Variants in LRMDA observed in about 807,000 individuals in gnomAD.
The protein encoded by LRMDA is leucine rich melanocyte differentiation associated, also known as leucine-rich melanocyte differentiation-associated protein.
Under a neutral mutation model 29.8 loss-of-function variants are expected in LRMDA, and 18 were observed. The observed-to-expected ratio is 0.60, with a 90% CI of 0.42 to 0.90. The LOEUF (loss-of-function observed/expected upper bound fraction) is 0.90, where lower values mean the gene tolerates loss of function less well. LRMDA is among the 40% of genes least tolerant of loss of function. The pLI is 0.00. For synonymous variants in LRMDA, 125 were observed against 109.4 expected (o/e 1.14, Z -0.89); for missense variants, 273 against 273.9 (o/e 1.00, Z 0.02).
chr10:75,514,706 G>C (rs896803502), intron 2 of LRMDA, among the ~76,000 whole-genome samples: 1 of 152,110 alleles, frequency 6.6e-6, no homozygotes, highest in Non-Finnish European at 1.5e-5. Flanking sequence ...CATGTGTCAG[G>C]CCCTCCTTCG....
chr10:76,202,135 T>C (rs1851443210), intron 5 of LRMDA, among the ~76,000 whole-genome samples: 1 of 152,198 alleles, frequency 6.6e-6, no homozygotes, highest in South Asian at 2.1e-4. Context: ...ACTTTTTTAT[T>C]GCTCAAAGCT....
chr10:76,476,944 A>AT (rs1842680159), intron 6 of LRMDA, among the ~76,000 whole-genome samples: 1 of 152,194 alleles, frequency 6.6e-6, no homozygotes, highest in Non-Finnish European at 1.5e-5. Flanking sequence ...AGCCATTATC[A>AT]TACTGAATGG....
chr10:76,214,097 G>C (rs967561260), intron 5 of LRMDA, among the ~76,000 whole-genome samples: 2 of 152,032 alleles, frequency 1.3e-5, no homozygotes, highest in African/African-American at 4.8e-5. Flanking sequence ...AATGCTCCCA[G>C]GCATAATTCT....
chr10:76,521,240 T>G (rs1172327155), intron 6 of LRMDA, among the ~76,000 whole-genome samples: 3 of 151,926 alleles, frequency 2.0e-5, no homozygotes, highest in African/African-American at 7.2e-5. Flanking sequence ...TTCATGCCAT[T>G]CTCCTGCCTC....
intron 2 of LRMDA, among the ~76,000 whole-genome samples, chr10:75,515,610 T>C (rs1365392558): frequency 6.6e-6 from 1 of 152,104 alleles, no homozygotes; most frequent in Non-Finnish European, 1.5e-5. Context: ...GAACTCCTGG[T>C]CTCAAGTTAT....
At chr10:76,163,588 A>G (rs775457460) in intron 5 of LRMDA, among the ~76,000 whole-genome samples, 2 of 152,128 alleles carry the variant, frequency 1.3e-5, no homozygotes, top group Non-Finnish European at 2.9e-5. Context: ...TTTCTATGTA[A>G]TTCATACTTG....
chr10:75,677,098 A>C (rs1055041393), intron 2 of LRMDA, among the ~76,000 whole-genome samples: 1 of 152,238 alleles, frequency 6.6e-6, no homozygotes, highest in Non-Finnish European at 1.5e-5. Flanking sequence ...TGCAGAAAAG[A>C]AGTTGGTTTG....
intron 5 of LRMDA, among the ~76,000 whole-genome samples, chr10:76,221,026 G>A (rs1403037549): frequency 1.3e-5 from 2 of 152,130 alleles, no homozygotes; most frequent in African/African-American, 2.4e-5. Context: ...AAAACCACAT[G>A]ATTATCTCAA....
chr10:76,416,111 A>G (rs1254807848), intron 6 of LRMDA, among the ~76,000 whole-genome samples: 2 of 152,232 alleles, frequency 1.3e-5, no homozygotes, highest in East Asian at 3.9e-4. Flanking sequence ...AGCATACTGT[A>G]CTTCCAACCA....
intron 5 of LRMDA, among the ~76,000 whole-genome samples, chr10:76,215,277 C>G (rs1564688588): frequency 6.6e-6 from 1 of 152,130 alleles, no homozygotes; most frequent in Non-Finnish European, 1.5e-5. Flanking sequence ...TTCTTGTGCT[C>G]CTAGGACAGA....
intron 2 of LRMDA, among the ~76,000 whole-genome samples, chr10:75,967,258 G>T (rs1846878360): frequency 2.0e-5 from 3 of 152,016 alleles, no homozygotes; most frequent in Admixed American, 1.3e-4. Flanking sequence ...TTAAATTACT[G>T]TATTCTTTAA....
At chr10:76,532,984 TCA>T (rs1174811789) in intron 6 of LRMDA, among the ~76,000 whole-genome samples, 1 of 152,148 alleles carries the variant, frequency 6.6e-6, no homozygotes, top group Non-Finnish European at 1.5e-5. Context: ...CTGGTGATTC[TCA>T]GAGTTTTATA....
chr10:76,333,503 G>A (rs1380724829), intron 6 of LRMDA, among the ~76,000 whole-genome samples: 1 of 152,186 alleles, frequency 6.6e-6, no homozygotes, highest in Non-Finnish European at 1.5e-5. Context: ...AACAGATGGG[G>A]AAGACAGCTG....
chr10:76,173,385 A>C (rs536369712), intron 5 of LRMDA, among the ~76,000 whole-genome samples: 2 of 152,314 alleles, frequency 1.3e-5, no homozygotes, highest in Admixed American at 1.3e-4. Flanking sequence ...AAAGCAAAAG[A>C]GAAAAATCAA....
chr10:75,472,111 C>G (rs73290687), intron 2 of LRMDA, among the ~76,000 whole-genome samples: 3,388 of 152,252 alleles, frequency 0.022, 123 homozygotes, highest in African/African-American at 0.077. Context: ...CCTGCCTTCC[C>G]TCTTCCAAGT....
Position 75,525,592 on chromosome 10 carries a change from C to CTTTTT in LRMDA, c.131+87111_131+87115dup, listed in dbSNP as rs11415547. ...TTCTTTTCTTTTTCTTTCTTTCTTT[C>CTTTTT]TTTTTTTTTTTTTTTTTGTGAGAAA... On this transcript the variant is annotated intron_variant, in intron 2 of 6. Transcript: ENST00000611255. Among the ~76,000 whole-genome samples the CTTTTT allele has an allele frequency of 2.7e-3, 345 of 129,450 alleles. 1 individual carries two copies. The highest frequency in any genetic ancestry group is 3.3e-3 in the Non-Finnish European group (204 of 62,028). The allele number at this position is 129,450 out of a possible 152,430, so 84.9% of individuals were successfully genotyped here.
chr10:75,552,391 G>C, intron 2 of LRMDA: 1 of 237,426 alleles, frequency 4.2e-6, no homozygotes, highest in South Asian at 3.9e-5. Flanking sequence ...GCAGTGCGCT[G>C]TCATTCTTAG....
intron 6 of LRMDA, among the ~76,000 whole-genome samples, chr10:76,521,183 G>A (rs1843116378): frequency 6.7e-6 from 1 of 149,574 alleles, no homozygotes; most frequent in Non-Finnish European, 1.5e-5. Flanking sequence ...GCCCAGGCTG[G>A]AGTGCCGTGG....
intron 5 of LRMDA, among the ~76,000 whole-genome samples, chr10:76,219,824 G>GCAC (rs963799868): frequency 6.6e-6 from 1 of 151,894 alleles, no homozygotes; most frequent in African/African-American, 2.4e-5. Flanking sequence ...TTTTTTTTCA[G>GCAC]CACCACACCA....
Sources: allele counts gnomAD v4.1 joint callset (sites outside exome capture counted in the v4.1 genomes callset), GRCh38; gene constraint gnomAD v4.1.1; transcripts MANE v1.5; gene names NCBI Gene and HGNC (gene_info 2026-07-23, HGNC 2026-07-21).